The following POU2F2 variants were observed in gnomAD, a reference collection of about 807,000 sequenced individuals.
POU2F2 encodes the protein POU domain, class 2, transcription factor 2.
In POU2F2, 14 loss-of-function variants were observed where a neutral mutation model predicts 63.5. That is an observed-to-expected ratio of 0.22 (90% CI 0.15 to 0.34). The LOEUF is 0.34. Ranked by LOEUF, POU2F2 falls within the 10% of genes least tolerant of loss-of-function variation. POU2F2 has a pLI of 1.00. For missense variants in POU2F2, 607 were observed against 815.2 expected (o/e 0.74, Z 3.11); for synonymous variants, 306 against 348.6 (o/e 0.88, Z 1.36).
At chr19:42,188,157 G>A (rs2035033357) in intron 1 of POU2F2, among the ~76,000 whole-genome samples, 2 of 152,048 alleles carry the variant, frequency 1.3e-5, no homozygotes, top group African/African-American at 4.8e-5. Context: ...TTGAGCTCAG[G>A]AGTTCGAGAC....
intron 1 of POU2F2, among the ~76,000 whole-genome samples, chr19:42,166,261 T>G (rs2034647420): frequency 6.6e-6 from 1 of 152,144 alleles, no homozygotes; most frequent in Non-Finnish European, 1.5e-5. Flanking sequence ...TGTTCACTTT[T>G]GTCATTCACA....
chr19:42,143,580 G>A (rs560982229), intron 2 of POU2F2, among the ~76,000 whole-genome samples: 1 of 152,286 alleles, frequency 6.6e-6, no homozygotes, highest in South Asian at 2.1e-4. Flanking sequence ...CCAAGCCTGG[G>A]AGGCCACAGA....
At chr19:42,193,684 T>C (rs1334637255) in intron 1 of POU2F2, among the ~76,000 whole-genome samples, 2 of 152,256 alleles carry the variant, frequency 1.3e-5, no homozygotes, top group African/African-American at 2.4e-5. Flanking sequence ...TAATTTGTTA[T>C]AGCAGTTACA....
chr19:42,142,134 G>GA (rs1212322435), intron 2 of POU2F2, among the ~76,000 whole-genome samples: 1 of 152,170 alleles, frequency 6.6e-6, no homozygotes, highest in Non-Finnish European at 1.5e-5. Context: ...AGCAAATGCA[G>GA]AAAAAATGGT....
intron 1 of POU2F2, among the ~76,000 whole-genome samples, chr19:42,186,427 A>G (rs2035013797): frequency 6.6e-6 from 1 of 152,154 alleles, no homozygotes; most frequent in Non-Finnish European, 1.5e-5. Context: ...ACAAGAGCAC[A>G]CAGGTGAGGA....
chr19:42,096,091 G>A lies in POU2F2; in HGVS notation c.720C>T (p.Gly240=), dbSNP rs1228809028. 1 of 1,613,676 alleles carries A rather than the reference G, an allele frequency of 6.2e-7. No individual in the cohort carries two copies. Among genetic ancestry groups the A allele is most frequent in the Admixed American group, 1.7e-5 (1 of 59,964 alleles). Residue 240 remains glycine (G), a synonymous_variant, in exon 8 of 15, where the codon GGC becomes GGT. Transcript: ENST00000692977. This position sits in a 1 kb window ranked among gnomAD's most constrained non-coding sequence, Gnocchi z 4.1. ...RTFKQRRIKL[G]FTQGDVGLAM... is the part of the protein sequence containing the mutation. ...CAAGGTGCCTCCAGACCTGCGTGAA[G>A]CCCAGCTTGATGCGGCGTTGCTTGA...
At chr19:42,176,806 G>A (rs1373533358), upstream of POU2F2, among the ~76,000 whole-genome samples, 1 of 151,660 alleles carries the variant, frequency 6.6e-6, no homozygotes, top group Non-Finnish European at 1.5e-5. Context: ...GGCCGGGGCC[G>A]CGGCGGCGGC....
At position 42,111,900 on chromosome 19, in the gene POU2F2, G is replaced by A. The variant is rs773997605; in HGVS notation, c.369+5350C>T. On this transcript the variant is annotated intron_variant, in intron 5 of 14. Coordinates refer to ENST00000692977, the MANE Select transcript of POU2F2 (RefSeq NM_001394376.1). ...TGGGAGTAGGGGCAGAGGAGTGGCC[G>A]TTCTCCAGTGTGGGTTCTTCTCTGG... Among the ~76,000 whole-genome samples the A allele has an allele frequency of 1.4e-4, 22 of 152,288 alleles. No individual in the cohort carries two copies. The Middle Eastern group carries it at 0.01, about 71-fold the overall frequency.
At chr19:42,193,217 C>CAA (rs1046136227) in intron 1 of POU2F2, among the ~76,000 whole-genome samples, 8,547 of 65,776 alleles carry the variant, frequency 0.13, 481 homozygotes, top group Middle Eastern at 0.25. Flanking sequence ...GACTCCGTCT[C>CAA]AAAAAAAAAA....
At chr19:42,147,337 G>A (rs1375371557) in intron 2 of POU2F2, among the ~76,000 whole-genome samples, 2 of 152,142 alleles carry the variant, frequency 1.3e-5, no homozygotes, top group Non-Finnish European at 2.9e-5. Context: ...CACTGTTCCT[G>A]TGCTCTTTGC....
chr19:42,122,159 T>C lies in POU2F2; in HGVS notation c.153A>G (p.Pro51=), dbSNP rs2032698004. 2 of 1,613,398 alleles carry C rather than the reference T, an allele frequency of 1.2e-6. No individual in the cohort carries two copies. The highest frequency in any genetic ancestry group is 1.1e-5 in the South Asian group (1 of 91,074). Residue 51 remains proline (P), a synonymous_variant, in exon 4 of 15, where the codon CCA becomes CCG. Coordinates refer to ENST00000692977, the MANE Select transcript of POU2F2 (RefSeq NM_001394376.1). ...NHQNPQNKTS[P]FSVSPTGPST... ...TGGGGCCAGTTGGGGACACGGAGAA[T>C]GGGGAGGTCTTATTTTGGGGGTTCT... is the stretch of plus-strand genomic sequence containing the variant.
At chr19:42,160,857 G>A (rs1334553112) in intron 1 of POU2F2, among the ~76,000 whole-genome samples, 4 of 152,186 alleles carry the variant, frequency 2.6e-5, no homozygotes, top group Non-Finnish European at 5.9e-5. Context: ...AAAGAAATTT[G>A]AAAAGGTTAC....
intron 1 of POU2F2, among the ~76,000 whole-genome samples, chr19:42,127,084 T>C (rs1369766722): frequency 6.6e-6 from 1 of 151,994 alleles, no homozygotes; most frequent in Non-Finnish European, 1.5e-5. Flanking sequence ...ATCCAGGGAC[T>C]ACAGCTGTGC....
At chr19:42,125,965 A>C (rs2146668559) in intron 1 of POU2F2, among the ~76,000 whole-genome samples, 1 of 152,312 alleles carries the variant, frequency 6.6e-6, no homozygotes. Context: ...CTGCCAGCCC[A>C]GAAAGTCCAC....
chr19:42,094,179 C>T (rs938360838), intron 11 of POU2F2, among the ~76,000 whole-genome samples: 6 of 152,172 alleles, frequency 3.9e-5, no homozygotes, highest in African/African-American at 1.2e-4. Flanking sequence ...GTGACTGCAC[C>T]GGAAGAGTGG....
intron 1 of POU2F2, among the ~76,000 whole-genome samples, chr19:42,130,039 C>T (rs1266170706): frequency 6.6e-6 from 1 of 152,176 alleles, no homozygotes; most frequent in East Asian, 1.9e-4. Context: ...GCAAAACACA[C>T]ACCCAAACGT....
intron 4 of POU2F2, among the ~76,000 whole-genome samples, chr19:42,118,360 G>A (rs2032183190): frequency 6.6e-6 from 1 of 152,214 alleles, no homozygotes; most frequent in Non-Finnish European, 1.5e-5. Flanking sequence ...ATGAATGACA[G>A]GAGTAGGGGT....
At chr19:42,193,592 C>A (rs545569930) in intron 1 of POU2F2, among the ~76,000 whole-genome samples, 1 of 152,290 alleles carries the variant, frequency 6.6e-6, no homozygotes, top group Non-Finnish European at 1.5e-5. Flanking sequence ...TAATTTCAGT[C>A]TAGTGGAACT....
intron 5 of POU2F2, among the ~76,000 whole-genome samples, chr19:42,108,224 A>AT (rs1254772708): frequency 6.6e-6 from 1 of 152,218 alleles, no homozygotes; most frequent in Admixed American, 6.5e-5. Context: ...ATTCCCCGCT[A>AT]TATCCTCACC....
Sources: gnomAD v4.1 joint callset for allele counts (sites outside exome capture counted in the v4.1 genomes callset) on GRCh38, gnomAD v4.1.1 for gene constraint, Gnocchi (gnomAD v3.1) non-coding constraint, MANE v1.5 for transcripts, NCBI Gene and HGNC (gene_info 2026-07-23, HGNC 2026-07-21) for gene names.